PLAAT3: variants seen among roughly 807,000 people sequenced by gnomAD.
PLAAT3 encodes the protein Ca-independent phospholipase A1/2.
PLAAT3 carries 21 observed loss-of-function variants against 16.7 expected under a neutral mutation model. The observed-to-expected ratio is 1.26, with a 90% CI of 0.89 to 1.81. The LOEUF is 1.81. Among genes scored for constraint, PLAAT3 ranks in the 40% most tolerant of loss-of-function variants. The probability of loss-of-function intolerance (pLI) is 0.00; values close to 1 mark genes in which losing one functional copy is unlikely to be tolerated. For missense variants in PLAAT3, 219 were observed against 213.7 expected (o/e 1.02, Z -0.16); for synonymous variants, 76 against 81.7 (o/e 0.93, Z 0.38).
intron 2 of PLAAT3, among the ~76,000 whole-genome samples, chr11:63,606,912 A>T (rs978567347): frequency 3.9e-5 from 6 of 152,014 alleles, no homozygotes; most frequent in African/African-American, 1.4e-4. Flanking sequence ...AACCCAGGAG[A>T]CTCAGGATCC....
upstream of PLAAT3, among the ~76,000 whole-genome samples, chr11:63,615,042 G>GTATATATGTA (rs1938801279): frequency 9.4e-5 from 1 of 10,608 alleles, no homozygotes; most frequent in Non-Finnish European, 9.3e-4. Flanking sequence ...GTATATATAT[G>GTATATATGTA]TATATATATG....
At chr11:63,594,344 T>C (rs1409137675) in intron 3 of PLAAT3, among the ~76,000 whole-genome samples, 3 of 152,020 alleles carry the variant, frequency 2.0e-5, no homozygotes, top group Non-Finnish European at 2.9e-5. Context: ...AATGAGGTCA[T>C]CTGAGCTCGA....
At chr11:63,592,040 G>A (rs914377426) in intron 3 of PLAAT3, among the ~76,000 whole-genome samples, 7 of 152,276 alleles carry the variant, frequency 4.6e-5, no homozygotes, top group African/African-American at 1.2e-4. Context: ...CTCTGGGTTC[G>A]ACCCCAGCAC....
intron 2 of PLAAT3, among the ~76,000 whole-genome samples, chr11:63,611,818 C>T (rs531304972): frequency 1.3e-5 from 2 of 152,304 alleles, no homozygotes; most frequent in African/African-American, 4.8e-5. Flanking sequence ...AGAAGAAAAA[C>T]TTGGGGAATT....
intron 2 of PLAAT3, among the ~76,000 whole-genome samples, chr11:63,611,989 T>C (rs1466033026): frequency 6.6e-6 from 1 of 152,158 alleles, no homozygotes; most frequent in Admixed American, 6.5e-5. Context: ...AAATACAAAA[T>C]TAGCCAGGCG....
intron 2 of PLAAT3, among the ~76,000 whole-genome samples, chr11:63,606,462 A>ACACACACACACACACC (rs945885416): frequency 2.2e-5 from 3 of 136,498 alleles, no homozygotes; most frequent in South Asian, 2.2e-4. Flanking sequence ...ACACACACAC[A>ACACACACACACACACC]CCTTAGTAAA....
upstream of PLAAT3, among the ~76,000 whole-genome samples, chr11:63,615,236 A>ATGTG (rs1938830371): frequency 1.4e-4 from 1 of 7,364 alleles, no homozygotes; most frequent in African/African-American, 1.5e-4. Context: ...ATGTGTATAT[A>ATGTG]TGTGTATATA....
intron 4 of PLAAT3, among the ~76,000 whole-genome samples, chr11:63,577,577 CAG>C (rs1477149613): frequency 6.6e-6 from 1 of 151,584 alleles, no homozygotes; most frequent in East Asian, 1.9e-4. Context: ...TCTGGAGAAA[CAG>C]AAACTATATC....
chr11:63,595,292 G>GAAAA (rs59751911), intron 3 of PLAAT3, among the ~76,000 whole-genome samples: 21 of 88,386 alleles, frequency 2.4e-4, no homozygotes, highest in Admixed American at 2.3e-4. Flanking sequence ...CTCCGTCTCG[G>GAAAA]AAAAAAAAAA....
At chr11:63,602,710 C>T (rs1346852186) in intron 2 of PLAAT3, among the ~76,000 whole-genome samples, 16 of 152,102 alleles carry the variant, frequency 1.1e-4, no homozygotes, top group Admixed American at 7.9e-4. Context: ...CAGGCTCATA[C>T]ATTTACATTG....
At chr11:63,595,826 A>C (rs747870601) in intron 3 of PLAAT3, among the ~76,000 whole-genome samples, 7 of 152,178 alleles carry the variant, frequency 4.6e-5, no homozygotes, top group Non-Finnish European at 7.3e-5. Flanking sequence ...TCTCCAAGTT[A>C]AGTATTCATA....
chr11:63,615,365 CATAT>C, upstream of PLAAT3, among the ~76,000 whole-genome samples: 1 of 38,526 alleles, frequency 2.6e-5, no homozygotes, highest in South Asian at 1.0e-3. Flanking sequence ...TATATGTGTG[CATAT>C]ATATGTGTGT....
intron 3 of PLAAT3, among the ~76,000 whole-genome samples, chr11:63,597,307 G>A (rs1031107343): frequency 6.6e-5 from 10 of 152,092 alleles, no homozygotes; most frequent in Non-Finnish European, 1.0e-4. Flanking sequence ...GGTGGATCAC[G>A]AGGTCAGGAG....
intron 4 of PLAAT3, among the ~76,000 whole-genome samples, chr11:63,585,735 T>C (rs1937954925): frequency 6.6e-6 from 1 of 152,166 alleles, no homozygotes; most frequent in Admixed American, 6.5e-5. Context: ...GTTATCATTG[T>C]TTTGCCTCTT....
chr11:63,591,845 G>C (rs1938161454), intron 3 of PLAAT3, among the ~76,000 whole-genome samples: 1 of 152,256 alleles, frequency 6.6e-6, no homozygotes, highest in East Asian at 1.9e-4. Context: ...CCCAGGCAAA[G>C]TGGGTGACAG....
intron 2 of PLAAT3, among the ~76,000 whole-genome samples, chr11:63,601,045 A>C (rs1323700834): frequency 5.5e-5 from 4 of 72,616 alleles, no homozygotes; most frequent in Non-Finnish European, 6.3e-5. Flanking sequence ...AAAATTAAAC[A>C]AAAAAAAAAA....
Position 63,574,730 on chromosome 11 carries a change from A to G in PLAAT3, c.*215T>C. The G allele has an allele frequency of 1.8e-6, 1 of 548,734 alleles. No individual in the cohort carries two copies. Among genetic ancestry groups the G allele is most frequent in the South Asian group, 2.3e-5 (1 of 42,830 alleles). 34.0% of individuals were successfully genotyped at this position (548,734 alleles called of 1,614,324 possible). On this transcript the variant is annotated 3_prime_UTR_variant, in exon 5 of 5. Coordinates refer to ENST00000415826, the MANE Select transcript of PLAAT3 (RefSeq NM_001128203.2). ...AGTGAAAGACAATCCCTGACCAGGAAGACAGCCCGGCTGTTCCCTGAACAG... is the reference window on the plus strand; with the variant it reads ...AGTGAAAGACAATCCCTGACCAGGAGGACAGCCCGGCTGTTCCCTGAACAG...
At chr11:63,598,811 T>C in intron 2 of PLAAT3, 1 of 471,004 alleles carries the variant, frequency 2.1e-6, no homozygotes, top group Non-Finnish European at 4.2e-6. Context: ...AGCAGTAATG[T>C]CCCCCGGCTG....
chr11:63,609,160 C>T (rs1426855546), intron 2 of PLAAT3, among the ~76,000 whole-genome samples: 1 of 152,180 alleles, frequency 6.6e-6, no homozygotes, highest in Non-Finnish European at 1.5e-5. Flanking sequence ...TGTCCCAAAA[C>T]CACATTCTGT....
Sources: gnomAD v4.1 joint callset for allele counts (sites outside exome capture counted in the v4.1 genomes callset) on GRCh38, gnomAD v4.1.1 for gene constraint, MANE v1.5 for transcripts, NCBI Gene and HGNC (gene_info 2026-07-23, HGNC 2026-07-21) for gene names.